The following LDLRAD4 variants were observed in gnomAD, a reference collection of about 807,000 sequenced individuals.
The protein encoded by LDLRAD4 is low-density lipoprotein receptor class A domain-containing protein 4.
In LDLRAD4, 5 loss-of-function variants were observed where a neutral mutation model predicts 17.0. That is an observed-to-expected ratio of 0.29 (90% CI 0.15 to 0.62). The LOEUF (loss-of-function observed/expected upper bound fraction) is 0.62, where lower values mean the gene tolerates loss of function less well. Among genes scored for constraint, LDLRAD4 ranks in the 20% least tolerant of loss-of-function variants. The pLI, the probability that LDLRAD4 is intolerant of heterozygous loss-of-function variation, is 0.84. For synonymous variants in LDLRAD4, 168 were observed against 171.8 expected (o/e 0.98, Z 0.17); for missense variants, 340 against 424.7 (o/e 0.80, Z 1.75).
rs1022969965 is a variant in LDLRAD4 at position 13,532,814 on chromosome 18, T to G, written c.182-88303T>G. On this transcript the variant is annotated intron_variant, in intron 3 of 5. Transcript: ENST00000359446. The stretch of plus-strand genomic sequence containing the variant: ...GGTGGAAGCCTTCTTTGCTCCTTTG[T>G]GTTCCTGGGGTGTGATGGCATGCCT... 1.1e-4 allele frequency among the ~76,000 whole-genome samples: 16 copies of G among 152,194 alleles called. 1 individual carries two copies. Among genetic ancestry groups the G allele is most frequent in the Admixed American group, 9.2e-4 (14 of 15,286 alleles).
At chr18:13,577,953 A>G (rs2094799274) in intron 3 of LDLRAD4, among the ~76,000 whole-genome samples, 1 of 152,174 alleles carries the variant, frequency 6.6e-6, no homozygotes, top group Non-Finnish European at 1.5e-5. Context: ...TATTATGTTT[A>G]AAAAGAGGCT....
At position 13,481,058 on chromosome 18, in the gene LDLRAD4, G is replaced by A. The variant is rs115533194; in HGVS notation, c.181+42674G>A. Among the ~76,000 whole-genome samples, 1,462 of 152,296 alleles carry A rather than the reference G, an allele frequency of 9.6e-3. 29 individuals are homozygous for A. Among genetic ancestry groups the A allele is most frequent in the African/African-American group, 0.034 (1,402 of 41,556 alleles). On this transcript the variant is annotated intron_variant, in intron 3 of 5. Transcript: ENST00000359446. The stretch of plus-strand genomic sequence containing the variant: ...GCACATGTCCTAGGGACGGACATGG[G>A]GTGGGGCAGACATGCATGCCAGACA...
intron 1 of LDLRAD4, among the ~76,000 whole-genome samples, chr18:13,271,686 A>G (rs1484479469): frequency 2.6e-5 from 4 of 152,096 alleles, no homozygotes; most frequent in Non-Finnish European, 5.9e-5. Context: ...TGGCTCTGGA[A>G]TTTTTGACGC....
intron 3 of LDLRAD4, among the ~76,000 whole-genome samples, chr18:13,531,914 C>A (rs967637228): frequency 5.3e-5 from 8 of 152,162 alleles, no homozygotes; most frequent in Admixed American, 5.2e-4. Flanking sequence ...GGGGGGCGGC[C>A]TGGCCCTCTG....
At chr18:13,444,641 T>C (rs2091264571) in intron 3 of LDLRAD4, among the ~76,000 whole-genome samples, 1 of 152,168 alleles carries the variant, frequency 6.6e-6, no homozygotes, top group Non-Finnish European at 1.5e-5. Flanking sequence ...AGACTGTTGA[T>C]CCTTTCTCTG....
intron 1 of LDLRAD4, among the ~76,000 whole-genome samples, chr18:13,225,201 A>G (rs8095897): frequency 0.096 from 14,556 of 152,264 alleles, 1,539 homozygotes; most frequent in African/African-American, 0.25. Flanking sequence ...TGTACGTCCT[A>G]TGAAATGTTG....
intron 3 of LDLRAD4, among the ~76,000 whole-genome samples, chr18:13,529,541 A>G (rs1007302603): frequency 6.6e-6 from 1 of 152,250 alleles, no homozygotes; most frequent in Non-Finnish European, 1.5e-5. Context: ...TCACAGAACT[A>G]GACCCAAGTA....
At chr18:13,464,794 C>G (rs1426445962) in intron 3 of LDLRAD4, among the ~76,000 whole-genome samples, 1 of 135,886 alleles carries the variant, frequency 7.4e-6, no homozygotes, top group African/African-American at 2.7e-5. Context: ...CACCCCCACC[C>G]CCACCCCAAG....
chr18:13,484,998 A>G (rs760472800), intron 3 of LDLRAD4, among the ~76,000 whole-genome samples: 16 of 152,226 alleles, frequency 1.1e-4, no homozygotes, highest in Non-Finnish European at 2.2e-4. Context: ...CACCCAGTGG[A>G]TGAGCTCTAT....
chr18:13,546,964 A>T (rs1343367846), intron 3 of LDLRAD4, among the ~76,000 whole-genome samples: 2 of 152,164 alleles, frequency 1.3e-5, no homozygotes, highest in African/African-American at 4.8e-5. Context: ...AACACTTGAG[A>T]TGAGAACATT....
intron 3 of LDLRAD4, among the ~76,000 whole-genome samples, chr18:13,468,813 A>T (rs2092692685): frequency 7.2e-6 from 1 of 138,002 alleles, no homozygotes; most frequent in South Asian, 2.4e-4. Flanking sequence ...GAAGACATGG[A>T]CACAGGAAGG....
intron 1 of LDLRAD4, among the ~76,000 whole-genome samples, chr18:13,304,269 C>G (rs2046780837): frequency 6.6e-6 from 1 of 152,212 alleles, no homozygotes; most frequent in African/African-American, 2.4e-5. Flanking sequence ...GGTGGTTCCT[C>G]TGTAGAATGT....
intron 4 of LDLRAD4, chr18:13,642,897 G>T (rs1601886744): frequency 2.5e-6 from 1 of 405,436 alleles, no homozygotes; most frequent in Non-Finnish European, 4.1e-6. Context: ...CACGTTTTTT[G>T]TTTGTTTGTT....
At chr18:13,600,429 T>G (rs2095147966) in intron 3 of LDLRAD4, among the ~76,000 whole-genome samples, 1 of 152,218 alleles carries the variant, frequency 6.6e-6, no homozygotes, top group African/African-American at 2.4e-5. Flanking sequence ...CACTTTCAGC[T>G]AGCAGGACAG....
chr18:13,441,846 C>T (rs1326900146), intron 3 of LDLRAD4, among the ~76,000 whole-genome samples: 4 of 152,244 alleles, frequency 2.6e-5, no homozygotes, highest in African/African-American at 9.6e-5. Context: ...TTTGCCTCTC[C>T]TCACCATGGT....
intron 1 of LDLRAD4, among the ~76,000 whole-genome samples, chr18:13,248,324 A>G (rs1046343966): frequency 1.3e-5 from 2 of 152,222 alleles, no homozygotes; most frequent in African/African-American, 4.8e-5. Flanking sequence ...CTGACAGAAG[A>G]AAAACTACCT....
chr18:13,467,009 A>T (rs1021178546), intron 3 of LDLRAD4, among the ~76,000 whole-genome samples: 3 of 152,206 alleles, frequency 2.0e-5, no homozygotes, highest in Non-Finnish European at 4.4e-5. Context: ...ACAAACATTC[A>T]GTCTATAGCA....
chr18:13,512,779 C>T (rs1426871461), intron 3 of LDLRAD4, among the ~76,000 whole-genome samples: 1 of 152,210 alleles, frequency 6.6e-6, no homozygotes, highest in Non-Finnish European at 1.5e-5. Flanking sequence ...TAACTAGGTT[C>T]CGATACTGTC....
intron 3 of LDLRAD4, chr18:13,521,027 G>C (rs1051401332): frequency 2.0e-5 from 3 of 152,200 alleles, no homozygotes; most frequent in Non-Finnish European, 4.4e-5. Context: ...CCTAGTGAAT[G>C]CCTTGCAGAG....
Sources: gnomAD v4.1 joint callset for allele counts (sites outside exome capture counted in the v4.1 genomes callset) on GRCh38, gnomAD v4.1.1 for gene constraint, MANE v1.5 for transcripts, NCBI Gene and HGNC (gene_info 2026-07-23, HGNC 2026-07-21) for gene names.